Variants in CDH13 observed in about 807,000 individuals in gnomAD.
CDH13 encodes cadherin 13.
A neutral mutation model predicts 63.8 loss-of-function variants in CDH13; 24 were observed. The ratio of observed to expected loss-of-function variants is 0.38; its 90% confidence interval spans 0.27 to 0.53. The LOEUF is 0.53. Ranked by LOEUF, CDH13 falls within the 20% of genes least tolerant of loss-of-function variation. The pLI is 0.85. For synonymous variants in CDH13, 503 were observed against 355.3 expected, an observed-to-expected ratio of 1.42 and a Z score of -4.67; for missense variants, 1,049 against 903.1, an observed-to-expected ratio of 1.16 and a Z score of -2.07.
At chr16:83,148,266 A>G (rs918162948) in intron 4 of CDH13, among the ~76,000 whole-genome samples, 11 of 152,158 alleles carry the variant, frequency 7.2e-5, no homozygotes, top group Non-Finnish European at 1.2e-4. Flanking sequence ...GGGGCCAGAG[A>G]GACCACAATA....
intron 10 of CDH13, among the ~76,000 whole-genome samples, chr16:83,716,770 C>T (rs1908971201): frequency 6.6e-6 from 1 of 152,188 alleles, no homozygotes; most frequent in African/African-American, 2.4e-5. Context: ...GCATGAGCCA[C>T]CGCACCCGCC....
intron 4 of CDH13, among the ~76,000 whole-genome samples, chr16:83,158,174 G>A (rs998139187): frequency 3.9e-5 from 6 of 151,906 alleles, no homozygotes; most frequent in South Asian, 2.1e-4. Context: ...CACTCCCCCC[G>A]GACAACAAGG....
intron 3 of CDH13, among the ~76,000 whole-genome samples, chr16:83,033,911 C>G (rs1471707916): frequency 6.6e-6 from 1 of 152,136 alleles, no homozygotes; most frequent in Non-Finnish European, 1.5e-5. Context: ...TTTTTCACAG[C>G]CCCTAATTCA....
chr16:83,476,365 C>T (rs566617620), intron 6 of CDH13, among the ~76,000 whole-genome samples: 103 of 152,282 alleles, frequency 6.8e-4, no homozygotes, highest in Non-Finnish European at 1.3e-3. Flanking sequence ...AAGGACTAGG[C>T]TTGCCATTTA....
At chr16:83,026,170 C>G (rs532059197) in intron 2 of CDH13, among the ~76,000 whole-genome samples, 6 of 152,196 alleles carry the variant, frequency 3.9e-5, no homozygotes, top group Non-Finnish European at 8.8e-5. Flanking sequence ...TCAGTGTGAC[C>G]TCACTTGGTA....
At chr16:83,348,228 G>C (rs754817679) in intron 6 of CDH13, among the ~76,000 whole-genome samples, 1 of 152,118 alleles carries the variant, frequency 6.6e-6, no homozygotes, top group Non-Finnish European at 1.5e-5. Context: ...GACCCACTGG[G>C]TCTGCTCTCT....
At chr16:82,653,722 C>T (rs752512741) in intron 1 of CDH13, among the ~76,000 whole-genome samples, 9 of 152,120 alleles carry the variant, frequency 5.9e-5, no homozygotes, top group Admixed American at 1.3e-4. Context: ...CCTGGAGGCG[C>T]AGGAACTAGG....
At chr16:83,030,846 C>A (rs933400465) in intron 2 of CDH13, among the ~76,000 whole-genome samples, 1 of 151,828 alleles carries the variant, frequency 6.6e-6, no homozygotes, top group African/African-American at 2.4e-5. Flanking sequence ...TCATTTCCAC[C>A]CTTCCCTTCT....
intron 6 of CDH13, among the ~76,000 whole-genome samples, chr16:83,483,966 T>C (rs1022955542): frequency 2.0e-5 from 3 of 152,158 alleles, no homozygotes; most frequent in Non-Finnish European, 2.9e-5. Context: ...GAATGTTCTT[T>C]TCTGAAGCTG....
At chr16:83,315,595 G>A (rs1228347599) in intron 5 of CDH13, among the ~76,000 whole-genome samples, 4 of 151,510 alleles carry the variant, frequency 2.6e-5, no homozygotes, top group South Asian at 4.2e-4. Flanking sequence ...TATTTGCTTC[G>A]GGGGAAAAAT....
Position 83,794,894 on chromosome 16 carries a change from T to TC in CDH13, c.2135-124dup, listed in dbSNP as rs1271062998. 4.9e-6 allele frequency: 4 copies of TC among 816,138 alleles called. No individual in the cohort carries two copies. In the African/African-American group the frequency reaches 6.8e-5, roughly 14 times the overall value. The allele number at this position is 816,138 out of a possible 1,614,324, so 50.6% of individuals were successfully genotyped here. A position where few individuals can be genotyped will look rare whatever the true frequency, so the allele number is the denominator to read the frequency against. ...TGTGATCCTTAAGGAAAAAAAAAAT[T>TC]CCCCCATAGTCGTGTGATGTTTAAA... is the stretch of plus-strand genomic sequence containing the variant. On this transcript the variant is annotated intron_variant, in intron 13 of 13. Coordinates refer to ENST00000567109, the MANE Select transcript of CDH13 (RefSeq NM_001257.5).
chr16:83,796,028 T>C lies in CDH13; in HGVS notation c.*998T>C, dbSNP rs1489144481. 1 of 152,672 alleles carries C rather than the reference T, an allele frequency of 6.5e-6. No homozygotes were observed. The highest frequency in any genetic ancestry group is 1.5e-5 in the Non-Finnish European group (1 of 68,048). The allele number at this position is 152,672 out of a possible 1,614,324, so 9.5% of individuals were successfully genotyped here. On this transcript the variant is annotated 3_prime_UTR_variant, in exon 14 of 14. Transcript: ENST00000567109. ...CATTTATGCACATTCACGCTGTTTG[T>C]TTCATATATACAGGCATAAAATAGA...
rs148859417 is a variant in CDH13, at chr16:83,208,595, C to A, written c.484-8750C>A. 3.6e-3 allele frequency among the ~76,000 whole-genome samples: 548 copies of A among 152,142 alleles called. 3 individuals are homozygous for A. The highest frequency in any genetic ancestry group is 0.01 in the Middle Eastern group (3 of 292). On this transcript the variant is annotated intron_variant, in intron 4 of 13. Coordinates refer to ENST00000567109, the MANE Select transcript of CDH13 (RefSeq NM_001257.5). ...TTTTCCTGTGTAAGTAATATAGGCT[C>A]ATTTTATAAAACTGAAAATATTATA...
chr16:83,733,933 A>G (rs1172675561), intron 10 of CDH13, among the ~76,000 whole-genome samples: 1 of 152,196 alleles, frequency 6.6e-6, no homozygotes, highest in East Asian at 1.9e-4. Flanking sequence ...CCCAGGTTCC[A>G]TGCTGCTGAG....
At chr16:83,308,850 T>G (rs1419691638) in intron 5 of CDH13, among the ~76,000 whole-genome samples, 1 of 152,204 alleles carries the variant, frequency 6.6e-6, no homozygotes, top group Non-Finnish European at 1.5e-5. Context: ...AACAGAAGTT[T>G]ACTAAGATGC....
intron 1 of CDH13, among the ~76,000 whole-genome samples, chr16:82,729,707 C>A (rs10438634): frequency 0.28 from 43,008 of 151,934 alleles, 6,409 homozygotes; most frequent in South Asian, 0.39. Context: ...AGAGAGTCAG[C>A]CTGTCCTTTG....
intron 1 of CDH13, among the ~76,000 whole-genome samples, chr16:82,833,099 CAGA>C (rs2038616008): frequency 6.6e-6 from 1 of 152,200 alleles, no homozygotes; most frequent in South Asian, 2.1e-4. Context: ...AGATGGCAGA[CAGA>C]AGGAGAGCCA....
At chr16:83,010,500 C>G (rs1431818404) in intron 2 of CDH13, among the ~76,000 whole-genome samples, 3 of 152,068 alleles carry the variant, frequency 2.0e-5, no homozygotes, top group Non-Finnish European at 4.4e-5. Flanking sequence ...TGATTTATCT[C>G]CTTTTGAGCA....
intron 1 of CDH13, among the ~76,000 whole-genome samples, chr16:82,773,122 G>A (rs999649567): frequency 6.6e-6 from 1 of 152,178 alleles, no homozygotes; most frequent in Non-Finnish European, 1.5e-5. Flanking sequence ...CTCCAGGCTG[G>A]CCCAAAACAA....
Sources: gnomAD v4.1 joint callset for allele counts (sites outside exome capture counted in the v4.1 genomes callset) on GRCh38, gnomAD v4.1.1 for gene constraint, MANE v1.5 for transcripts, NCBI Gene and HGNC (gene_info 2026-07-23, HGNC 2026-07-21) for gene names.